ADGRL4: variants seen among roughly 807,000 people sequenced by gnomAD.
ADGRL4 encodes EGF, latrophilin and seven transmembrane domain containing 1.
A neutral mutation model predicts 74.8 loss-of-function variants in ADGRL4; 90 were observed. The observed-to-expected ratio is 1.20, with a 90% CI of 1.02 to 1.43. ADGRL4 has a LOEUF of 1.43. Ranked by LOEUF, ADGRL4 falls within the 40% of genes most tolerant of loss-of-function variation. ADGRL4 has a pLI of 0.00. For synonymous variants in ADGRL4, 311 were observed against 279.2 expected, an observed-to-expected ratio of 1.11 and a Z score of -1.14; for missense variants, 881 against 814.3, an observed-to-expected ratio of 1.08 and a Z score of -1.00.
chr1:78,921,289 T>G (rs959832181), intron 9 of ADGRL4, among the ~76,000 whole-genome samples: 3 of 151,218 alleles, frequency 2.0e-5, no homozygotes, highest in Non-Finnish European at 3.0e-5. Context: ...CACAAAAAAG[T>G]GCCTTTAAAT....
At chr1:78,912,455 C>A (rs1648781395) in intron 12 of ADGRL4, among the ~76,000 whole-genome samples, 1 of 151,844 alleles carries the variant, frequency 6.6e-6, no homozygotes, top group African/African-American at 2.4e-5. Flanking sequence ...AAATCATCAG[C>A]AGCATTAGCT....
chr1:78,997,007 T>C (rs149510526), intron 2 of ADGRL4, among the ~76,000 whole-genome samples: 1 of 152,148 alleles, frequency 6.6e-6, no homozygotes. Flanking sequence ...TCTGCAACAA[T>C]GATTAGCAGG....
chr1:78,992,914 A>T (rs1650636836), intron 2 of ADGRL4, among the ~76,000 whole-genome samples: 1 of 152,120 alleles, frequency 6.6e-6, no homozygotes. Flanking sequence ...ACAACAGAGG[A>T]TATTAAATTA....
chr1:78,995,822 T>A (rs1650701518), intron 2 of ADGRL4, among the ~76,000 whole-genome samples: 1 of 152,200 alleles, frequency 6.6e-6, no homozygotes, highest in Admixed American at 6.6e-5. Flanking sequence ...ACGATGGGAA[T>A]CTTAGTAGGA....
chr1:78,917,930 A>ATCCCTTGT lies in ADGRL4; in HGVS notation c.1574_1581dup (p.Phe528ThrfsTer15). The ATCCCTTGT allele has an allele frequency of 1.2e-6, 2 of 1,612,732 alleles. No individual in the cohort carries two copies. The highest frequency in any genetic ancestry group is 1.7e-6 in the Non-Finnish European group (2 of 1,179,140). ...AAGATATAAAAATTCTTGTGCAAAAATCCCTTGTTGTAGATGACACCCACA... is the reference window on the plus strand; with the variant it reads ...AAGATATAAAAATTCTTGTGCAAAAATCCCTTGTTCCCTTGTTGTAGATGACACCCACA... On this transcript the variant is annotated frameshift_variant, in exon 11 of 15. Coordinates refer to ENST00000370742, the MANE Select transcript of ADGRL4 (RefSeq NM_022159.4). LOFTEE classifies it high-confidence loss of function.
At chr1:78,901,029 T>C (rs916891120) in intron 12 of ADGRL4, among the ~76,000 whole-genome samples, 1 of 152,148 alleles carries the variant, frequency 6.6e-6, no homozygotes, top group African/African-American at 2.4e-5. Flanking sequence ...ACCATATTTC[T>C]TCTGTAAAAT....
Position 78,926,899 on chromosome 1 carries a change from A to G in ADGRL4, c.1070T>C (p.Leu357Ser), listed in dbSNP as rs760696876. Residue 357 changes from leucine to serine, a missense_variant, in exon 8 of 15, where the codon TTA becomes TCA. Transcript: ENST00000370742. ...AAAACAGCTTACCTTTCGATGACTTAATGTAAATGTTATTTTTTCAAGTTC... is the reference window on the plus strand; with the variant it reads ...AAAACAGCTTACCTTTCGATGACTTGATGTAAATGTTATTTTTTCAAGTTC... The part of the protein sequence containing the change: ...LYELEKITFT[L>S]SHRKVTDRYR... 2 of 1,610,586 alleles carry G rather than the reference A, an allele frequency of 1.2e-6. No individual in the cohort carries two copies. The highest frequency in any genetic ancestry group is 1.1e-5 in the South Asian group (1 of 90,954).
At chr1:78,947,848 C>A (rs1036025797) in intron 2 of ADGRL4, among the ~76,000 whole-genome samples, 3 of 152,090 alleles carry the variant, frequency 2.0e-5, no homozygotes, top group African/African-American at 7.2e-5. Flanking sequence ...CTTTATTCTT[C>A]ATTTTATTCA....
chr1:78,912,196 T>C (rs1016118119), intron 12 of ADGRL4, among the ~76,000 whole-genome samples: 2 of 151,784 alleles, frequency 1.3e-5, no homozygotes, highest in South Asian at 2.1e-4. Context: ...TAAGATGCGG[T>C]AAATAAATCA....
At chr1:78,954,476 T>G (rs1326132029) in intron 2 of ADGRL4, among the ~76,000 whole-genome samples, 5 of 152,108 alleles carry the variant, frequency 3.3e-5, no homozygotes, top group African/African-American at 9.7e-5. Flanking sequence ...GGAATAAGAA[T>G]AGCAATCAAG....
chr1:78,948,070 T>C (rs1432191690), intron 2 of ADGRL4, among the ~76,000 whole-genome samples: 1 of 152,168 alleles, frequency 6.6e-6, no homozygotes, highest in Admixed American at 6.6e-5. Context: ...CCAGGCATCA[T>C]ACCTAAGAGT....
rs1295670678 is a variant in ADGRL4, at chr1:78,993,718, A to G, written c.172+11352T>C. Among the ~76,000 whole-genome samples the G allele has an allele frequency of 3.3e-5, 5 of 151,990 alleles. No homozygotes were observed. The South Asian group carries it at 8.3e-4, about 25-fold the overall frequency. ...CAAGTAGCTGGGACTACAGGTGCCC[A>G]CCACCATGCTCGGCTAATTTTTTTT... is the stretch of plus-strand genomic sequence containing the variant. On this transcript the variant is annotated intron_variant, in intron 2 of 14. Transcript: ENST00000370742.
At chr1:78,941,859 C>G (rs1557506272) in intron 3 of ADGRL4, among the ~76,000 whole-genome samples, 1 of 152,124 alleles carries the variant, frequency 6.6e-6, no homozygotes, top group Non-Finnish European at 1.5e-5. Context: ...CAAATCCTGA[C>G]TATAACACTT....
chr1:78,988,449 A>T (rs2100732230), intron 2 of ADGRL4, among the ~76,000 whole-genome samples: 1 of 152,002 alleles, frequency 6.6e-6, no homozygotes, highest in East Asian at 1.9e-4. Context: ...GAGAGGGTTC[A>T]AATGCAATGA....
intron 2 of ADGRL4, among the ~76,000 whole-genome samples, chr1:79,002,055 G>A (rs900484755): frequency 6.6e-6 from 1 of 151,966 alleles, no homozygotes; most frequent in African/African-American, 2.4e-5. Context: ...TTACTTTAGG[G>A]TTAGAGACAT....
intron 2 of ADGRL4, among the ~76,000 whole-genome samples, chr1:78,971,501 G>A (rs7527332): frequency 0.47 from 71,396 of 151,714 alleles, 17,113 homozygotes; most frequent in Middle Eastern, 0.54. Context: ...CCTGTTCTGG[G>A]GTATGGTACC....
Position 78,921,614 on chromosome 1 carries a change from A to G in ADGRL4, c.1256T>C (p.Ile419Thr). The change falls in exon 9 of 15, where the codon ATT becomes ACT. Residue 419 changes from isoleucine to threonine, a missense_variant and splice_region_variant. Coordinates refer to ENST00000370742, the MANE Select transcript of ADGRL4 (RefSeq NM_022159.4). ...FAILMSSGPS[I>T]GIKDYNILTR... Reference sequence around the variant, plus strand: ...ATATGAAGGGGAAAATTATCTTACAATGGAAGGACCAGAGGACATCAAAAT... The same window carrying G: ...ATATGAAGGGGAAAATTATCTTACAGTGGAAGGACCAGAGGACATCAAAAT... 1 of 1,421,602 alleles carries G rather than the reference A, an allele frequency of 7.0e-7. No homozygotes were observed. Among genetic ancestry groups the G allele is most frequent in the Non-Finnish European group, 9.3e-7 (1 of 1,078,550 alleles). The allele number at this position is 1,421,602 out of a possible 1,614,324, so 88.1% of individuals were successfully genotyped here.
intron 12 of ADGRL4, among the ~76,000 whole-genome samples, chr1:78,911,614 A>AACACACAC (rs34707725): frequency 2.0e-5 from 3 of 149,942 alleles, no homozygotes; most frequent in African/African-American, 7.3e-5. Context: ...TCAAGATCTA[A>AACACACAC]ACACACACAC....
chr1:78,918,699 A>G (rs1254234613), intron 10 of ADGRL4, among the ~76,000 whole-genome samples: 1 of 151,896 alleles, frequency 6.6e-6, no homozygotes, highest in Admixed American at 6.6e-5. Flanking sequence ...TTTCCATACT[A>G]GTAAAGCTAA....
Sources: allele counts gnomAD v4.1 joint callset (sites outside exome capture counted in the v4.1 genomes callset), GRCh38; gene constraint gnomAD v4.1.1; transcripts MANE v1.5; gene names NCBI Gene and HGNC (gene_info 2026-07-23, HGNC 2026-07-21).